The following CSMD1 variants were observed in gnomAD, a reference collection of about 807,000 sequenced individuals.
CSMD1 encodes CUB and sushi domain-containing protein 1.
Under a neutral mutation model 417.5 loss-of-function variants are expected in CSMD1, and 213 were observed. The observed-to-expected ratio is 0.51, with a 90% CI of 0.46 to 0.57. The LOEUF is 0.57. Among genes scored for constraint, CSMD1 ranks in the 20% least tolerant of loss-of-function variants. The pLI, the probability that CSMD1 is intolerant of heterozygous loss-of-function variation, is 0.00. For missense variants in CSMD1, 6,923 were observed against 4,529.7 expected (o/e 1.53, Z -15.17); for synonymous variants, 2,862 against 1,736.8 (o/e 1.65, Z -16.11).
At chr8:3,923,902 T>C (rs887073293) in intron 5 of CSMD1, among the ~76,000 whole-genome samples, 3 of 152,326 alleles carry the variant, frequency 2.0e-5, no homozygotes, top group Non-Finnish European at 2.9e-5. Context: ...TTAAAATATA[T>C]TGTCCTTTAA....
chr8:4,035,675 T>G (rs761835677), intron 3 of CSMD1, among the ~76,000 whole-genome samples: 1 of 152,222 alleles, frequency 6.6e-6, no homozygotes, highest in Non-Finnish European at 1.5e-5. Flanking sequence ...TATAAATGTT[T>G]TGCACAACTG....
chr8:4,700,777 CAAAT>C (rs1807478700), intron 1 of CSMD1, among the ~76,000 whole-genome samples: 1 of 151,586 alleles, frequency 6.6e-6, no homozygotes, highest in African/African-American at 2.4e-5. Flanking sequence ...AAATGGTTAA[CAAAT>C]AAAGGGAAAG....
chr8:3,805,745 T>TA (rs1800697111), intron 5 of CSMD1, among the ~76,000 whole-genome samples: 1 of 152,176 alleles, frequency 6.6e-6, no homozygotes, highest in African/African-American at 2.4e-5. Context: ...TACTTGTTTG[T>TA]GATACTCTTT....
chr8:3,480,418 C>CAA (rs1477461514), intron 11 of CSMD1, among the ~76,000 whole-genome samples: 1 of 151,842 alleles, frequency 6.6e-6, no homozygotes. Context: ...GCCTGTGGGA[C>CAA]AAAACAAAAC....
intron 1 of CSMD1, among the ~76,000 whole-genome samples, chr8:4,850,913 C>G (rs181244061): frequency 1.3e-4 from 19 of 145,878 alleles, no homozygotes; most frequent in African/African-American, 4.3e-4. Context: ...CTTGCCCCCC[C>G]ACTTTTTGTG....
chr8:4,213,530 T>C (rs1274343492), intron 3 of CSMD1, among the ~76,000 whole-genome samples: 2 of 152,226 alleles, frequency 1.3e-5, no homozygotes, highest in Admixed American at 6.5e-5. Flanking sequence ...AATGTAGAAA[T>C]GACAGACACA....
chr8:4,925,204 C>T (rs183331387), intron 1 of CSMD1, among the ~76,000 whole-genome samples: 1,376 of 130,674 alleles, frequency 0.011, 19 homozygotes, highest in African/African-American at 0.036. Flanking sequence ...ATGGTGAATA[C>T]CAGTTTTATG....
intron 23 of CSMD1, among the ~76,000 whole-genome samples, chr8:3,337,297 T>C (rs1048430481): frequency 6.6e-6 from 1 of 152,226 alleles, no homozygotes; most frequent in Non-Finnish European, 1.5e-5. Context: ...CTTTTATTAT[T>C]CATCACTTTT....
At chr8:4,976,546 T>C (rs377229448) in intron 1 of CSMD1, among the ~76,000 whole-genome samples, 20 of 152,298 alleles carry the variant, frequency 1.3e-4, no homozygotes, top group African/African-American at 4.6e-4. Flanking sequence ...ACTTACAAAA[T>C]TATTGGGACT....
chr8:4,327,545 G>A (rs139932034), intron 3 of CSMD1, among the ~76,000 whole-genome samples: 1 of 152,212 alleles, frequency 6.6e-6, no homozygotes, highest in East Asian at 1.9e-4. Flanking sequence ...CAGCTCCAAT[G>A]TTGGCTTTCC....
chr8:3,007,656 T>C (rs1808050043), intron 52 of CSMD1, among the ~76,000 whole-genome samples: 1 of 150,840 alleles, frequency 6.6e-6, no homozygotes, highest in South Asian at 2.1e-4. Context: ...TCATTCTCAG[T>C]AAACTATCGC....
At position 4,879,525 on chromosome 8, in the gene CSMD1, A is replaced by G. The variant is rs536441187; in HGVS notation, c.85+114807T>C. Reference sequence around the variant, plus strand: ...TGCTGTTTATAAGGGACAGAAATACATAATTGGTATTTCTTTACAAGAAAA... The same window carrying G: ...TGCTGTTTATAAGGGACAGAAATACGTAATTGGTATTTCTTTACAAGAAAA... On this transcript the variant is annotated intron_variant, in intron 1 of 69. Coordinates refer to ENST00000635120, the MANE Select transcript of CSMD1 (RefSeq NM_033225.6). Among the ~76,000 whole-genome samples the G allele has an allele frequency of 4.6e-5, 7 of 152,286 alleles. No homozygotes were observed. The South Asian group carries it at 1.4e-3, about 32-fold the overall frequency.
chr8:3,376,788 TA>T (rs1323729273), intron 18 of CSMD1, among the ~76,000 whole-genome samples: 7 of 111,524 alleles, frequency 6.3e-5, no homozygotes, highest in African/African-American at 1.1e-4. Context: ...TACAATATTA[TA>T]ATTATTTTTT....
intron 3 of CSMD1, among the ~76,000 whole-genome samples, chr8:4,040,135 G>T (rs1296883932): frequency 1.3e-5 from 2 of 152,152 alleles, no homozygotes; most frequent in African/African-American, 4.8e-5. Flanking sequence ...TTTTTAAAGG[G>T]TATGAGAGTC....
intron 5 of CSMD1, among the ~76,000 whole-genome samples, chr8:3,860,428 A>T (rs926208119): frequency 1.3e-5 from 2 of 152,196 alleles, no homozygotes; most frequent in Middle Eastern, 3.2e-3. Flanking sequence ...TTACTAAAAC[A>T]ATAAAACTTT....
chr8:4,679,192 G>T (rs1236667939), intron 1 of CSMD1, among the ~76,000 whole-genome samples: 3 of 152,094 alleles, frequency 2.0e-5, no homozygotes, highest in Admixed American at 6.6e-5. Context: ...CTGGCTCTGG[G>T]AGCTGTCTTT....
intron 2 of CSMD1, among the ~76,000 whole-genome samples, chr8:4,566,610 A>G (rs929448725): frequency 3.7e-5 from 5 of 134,648 alleles, no homozygotes; most frequent in South Asian, 2.5e-4. Context: ...CTGAGATCGC[A>G]CCACTGCACT....
chr8:4,424,440 C>G lies in CSMD1; in HGVS notation c.303-4375G>C, dbSNP rs73658882. 3.2e-3 allele frequency among the ~76,000 whole-genome samples: 479 copies of G among 152,030 alleles called. 3 individuals are homozygous for G. Among genetic ancestry groups the G allele is most frequent in the African/African-American group, 0.011 (458 of 41,526 alleles). The stretch of plus-strand genomic sequence containing the variant: ...CGGCAAATAAGCCCACGAATATTTA[C>G]TCTACATCAATAGACATCAGAGGAA... On this transcript the variant is annotated intron_variant, in intron 2 of 69. Transcript: ENST00000635120.
At chr8:4,873,546 G>C (rs1414809683) in intron 1 of CSMD1, among the ~76,000 whole-genome samples, 1 of 152,050 alleles carries the variant, frequency 6.6e-6, no homozygotes, top group African/African-American at 2.4e-5. Flanking sequence ...CAGCATCTAA[G>C]AACATATGAT....
Sources: allele counts gnomAD v4.1 joint callset (sites outside exome capture counted in the v4.1 genomes callset), GRCh38; gene constraint gnomAD v4.1.1; transcripts MANE v1.5; gene names NCBI Gene and HGNC (gene_info 2026-07-23, HGNC 2026-07-21).